AFG2A: variants seen among roughly 807,000 people sequenced by gnomAD.
AFG2A encodes ATPase family gene 2 protein homolog A.
chr4:122,988,035 C>A, the AFG2A span, among the ~76,000 whole-genome samples: 1 of 149,606 alleles, frequency 6.7e-6, no homozygotes, highest in Non-Finnish European at 1.5e-5. Flanking sequence ...TTAAGGCCAG[C>A]CTTTTCTGGT....
chr4:123,024,961 C>A, the AFG2A span, among the ~76,000 whole-genome samples: 1 of 152,024 alleles, frequency 6.6e-6, no homozygotes, highest in African/African-American at 2.4e-5. Context: ...AGGAGAGAAC[C>A]TTTTTTCTTG....
At chr4:123,287,126 A>G in the AFG2A span, among the ~76,000 whole-genome samples, 1 of 152,160 alleles carries the variant, frequency 6.6e-6, no homozygotes, top group African/African-American at 2.4e-5. Flanking sequence ...GTGACCAAAG[A>G]GCAGATTGAG....
At chr4:123,299,117 A>ATGTGTGTGTGTG in the AFG2A span, among the ~76,000 whole-genome samples, 3,832 of 147,156 alleles carry the variant, frequency 0.026, 62 homozygotes, top group Middle Eastern at 0.041. Context: ...GCATCTGCCA[A>ATGTGTGTGTGTG]TGTGTGTGTG....
chr4:123,305,267 G>A, the AFG2A span, among the ~76,000 whole-genome samples: 4 of 152,104 alleles, frequency 2.6e-5, no homozygotes, highest in Non-Finnish European at 5.9e-5. Context: ...AGGCAGTTAA[G>A]AATGTAGTGG....
At chr4:123,261,504 A>ATT in the AFG2A span, among the ~76,000 whole-genome samples, 2 of 152,184 alleles carry the variant, frequency 1.3e-5, no homozygotes, top group Non-Finnish European at 1.5e-5. Flanking sequence ...TAATCTAGAG[A>ATT]TGATGTATAC....
At chr4:122,942,682 G>C in the AFG2A span, among the ~76,000 whole-genome samples, 10 of 152,036 alleles carry the variant, frequency 6.6e-5, no homozygotes, top group African/African-American at 2.4e-4. Context: ...GCTAGCTTTT[G>C]AATGTGTTTG....
the AFG2A span, among the ~76,000 whole-genome samples, chr4:123,174,832 T>A: frequency 2.0e-5 from 3 of 151,174 alleles, no homozygotes; most frequent in Non-Finnish European, 4.4e-5. Context: ...AAAAAATATA[T>A]ATATATATAT....
the AFG2A span, among the ~76,000 whole-genome samples, chr4:123,158,018 T>G: frequency 6.6e-6 from 1 of 152,116 alleles, no homozygotes; most frequent in Non-Finnish European, 1.5e-5. Context: ...CCAGGCAGCT[T>G]TTTCAAATAC....
chr4:122,941,960 G>T, the AFG2A span, among the ~76,000 whole-genome samples: 1 of 151,862 alleles, frequency 6.6e-6, no homozygotes, highest in East Asian at 1.9e-4. Flanking sequence ...TATTGAACCA[G>T]CCTTGCATCC....
the AFG2A span, chr4:122,923,123 G>A: frequency 1.2e-6 from 2 of 1,613,760 alleles, no homozygotes; most frequent in Admixed American, 1.7e-5. Flanking sequence ...CTACTGCTTC[G>A]GCTAGGGTAC....
chr4:123,140,278 G>C, the AFG2A span, among the ~76,000 whole-genome samples: 8 of 152,006 alleles, frequency 5.3e-5, no homozygotes, highest in Non-Finnish European at 2.9e-5. Flanking sequence ...AATTGAATCT[G>C]CTTTCAGTTT....
chr4:123,123,342 A>G, the AFG2A span, among the ~76,000 whole-genome samples: 1 of 152,174 alleles, frequency 6.6e-6, no homozygotes, highest in Non-Finnish European at 1.5e-5. Context: ...CTTTAGAGAG[A>G]ACTTAGTTTG....
At chr4:123,243,758 C>A in the AFG2A span, among the ~76,000 whole-genome samples, 107 of 152,094 alleles carry the variant, frequency 7.0e-4, 1 homozygote, top group Non-Finnish European at 3.2e-4. Context: ...CAGTTACAAC[C>A]AGGTGTGGTG....
At chr4:122,984,407 A>G in the AFG2A span, among the ~76,000 whole-genome samples, 6 of 152,086 alleles carry the variant, frequency 3.9e-5, no homozygotes, top group African/African-American at 1.2e-4. Context: ...CAGCAGTGAC[A>G]GTTTTTCCTC....
chr4:123,283,828 A>G, the AFG2A span, among the ~76,000 whole-genome samples: 1 of 152,182 alleles, frequency 6.6e-6, no homozygotes, highest in Non-Finnish European at 1.5e-5. Flanking sequence ...GAGTAGTTCC[A>G]GGAGGAACTG....
At chr4:123,081,841 T>A in the AFG2A span, among the ~76,000 whole-genome samples, 1,837 of 152,262 alleles carry the variant, frequency 0.012, 41 homozygotes, top group African/African-American at 0.041. Flanking sequence ...GCCATTCTAG[T>A]GGGTGTGTAA....
At chr4:122,980,641 A>G in the AFG2A span, among the ~76,000 whole-genome samples, 1 of 152,122 alleles carries the variant, frequency 6.6e-6, no homozygotes, top group East Asian at 1.9e-4. Flanking sequence ...CTTTTTCTCC[A>G]TATCCTTGGC....
At chr4:123,038,607 G>A in the AFG2A span, among the ~76,000 whole-genome samples, 2 of 151,966 alleles carry the variant, frequency 1.3e-5, no homozygotes, top group South Asian at 2.1e-4. Context: ...TGCAACATAC[G>A]AGTTCAGCTA....
chr4:123,193,064 A>G, the AFG2A span, among the ~76,000 whole-genome samples: 2 of 152,226 alleles, frequency 1.3e-5, no homozygotes, highest in Admixed American at 1.3e-4. Flanking sequence ...GAATATTAGT[A>G]AACTCCTTGT....
Sources: allele counts gnomAD v4.1 joint callset (sites outside exome capture counted in the v4.1 genomes callset), GRCh38; gene constraint gnomAD v4.1.1; transcripts MANE v1.5; gene names NCBI Gene and HGNC (gene_info 2026-07-23, HGNC 2026-07-21).